TBC1D15: variants seen among roughly 807,000 people sequenced by gnomAD.
TBC1D15 encodes the protein GAP for RAB7.
TBC1D15 carries 39 observed loss-of-function variants against 95.4 expected under a neutral mutation model. The observed-to-expected ratio is 0.41, with a 90% CI of 0.32 to 0.53. TBC1D15 has a LOEUF of 0.53. TBC1D15 is among the 20% of genes least tolerant of loss of function. The probability of loss-of-function intolerance (pLI) is 0.29; values close to 1 mark genes in which losing one functional copy is unlikely to be tolerated. For missense variants in TBC1D15, 733 were observed against 794.3 expected (o/e 0.92, Z 0.93); for synonymous variants, 258 against 261.3 (o/e 0.99, Z 0.12).
intron 16 of TBC1D15, among the ~76,000 whole-genome samples, chr12:71,922,451 T>TA (rs1470844064): frequency 6.6e-6 from 1 of 151,998 alleles, no homozygotes; most frequent in Non-Finnish European, 1.5e-5. Flanking sequence ...GCAGGTTTGT[T>TA]ACATAGGTAT....
intron 9 of TBC1D15, chr12:71,897,084 C>T (rs774870368): frequency 4.8e-6 from 1 of 207,506 alleles, no homozygotes; most frequent in Non-Finnish European, 9.5e-6. Flanking sequence ...CACTTAAAAA[C>T]ATCTCTCATT....
intron 10 of TBC1D15, among the ~76,000 whole-genome samples, chr12:71,904,743 T>G (rs1384076710): frequency 1.3e-5 from 2 of 152,200 alleles, no homozygotes; most frequent in Non-Finnish European, 2.9e-5. Flanking sequence ...GTGAAAGTTC[T>G]CTCATAGTTT....
chr12:71,911,635 A>T, intron 11 of TBC1D15, among the ~76,000 whole-genome samples: 1 of 73,862 alleles, frequency 1.4e-5, no homozygotes. Flanking sequence ...GGGTGGGGGG[A>T]GGGGGGAGGG....
chr12:71,855,802 A>G (rs929734865), intron 1 of TBC1D15, among the ~76,000 whole-genome samples: 2 of 151,504 alleles, frequency 1.3e-5, no homozygotes, highest in Non-Finnish European at 2.9e-5. Flanking sequence ...CTTTATTAGT[A>G]GTAGTATTAA....
intron 4 of TBC1D15, 75 bp from the exon 5 acceptor site, chr12:71,884,735 GC>G: frequency 7.4e-7 from 1 of 1,357,642 alleles, no homozygotes; most frequent in Non-Finnish European, 1.0e-6. Flanking sequence ...TTTATGTTAG[GC>G]AGTCATGGAG....
intron 10 of TBC1D15, among the ~76,000 whole-genome samples, chr12:71,902,499 A>G (rs1899626154): frequency 1.3e-5 from 2 of 152,220 alleles, no homozygotes; most frequent in African/African-American, 2.4e-5. Flanking sequence ...TATTCAATAA[A>G]TGTTCCTGGG....
intron 1 of TBC1D15, among the ~76,000 whole-genome samples, chr12:71,855,415 A>T (rs1189405154): frequency 6.6e-6 from 1 of 152,118 alleles, no homozygotes; most frequent in Admixed American, 6.6e-5. Context: ...TCATAAGGCA[A>T]ACTTGTAATC....
chr12:71,853,534 G>A (rs1592698643), intron 1 of TBC1D15, among the ~76,000 whole-genome samples: 1 of 152,276 alleles, frequency 6.6e-6, no homozygotes, highest in East Asian at 1.9e-4. Flanking sequence ...ACTACTATTT[G>A]TGTTGTTTTG....
intron 1 of TBC1D15, among the ~76,000 whole-genome samples, chr12:71,858,039 T>C (rs1221004244): frequency 6.6e-6 from 1 of 152,196 alleles, no homozygotes; most frequent in Admixed American, 6.5e-5. Context: ...TATGGCTTAA[T>C]AGTATACCAT....
intron 1 of TBC1D15, among the ~76,000 whole-genome samples, chr12:71,847,826 C>T (rs1273430773): frequency 1.3e-5 from 2 of 151,418 alleles, no homozygotes; most frequent in Non-Finnish European, 2.9e-5. Flanking sequence ...GGCCAGGTGC[C>T]GTGGCTCACA....
At chr12:71,857,852 A>G (rs1253361211) in intron 1 of TBC1D15, among the ~76,000 whole-genome samples, 1 of 151,958 alleles carries the variant, frequency 6.6e-6, no homozygotes, top group East Asian at 1.9e-4. Flanking sequence ...CCTTTCCACA[A>G]CCCTTCTCTG....
At chr12:71,895,582 C>G (rs114004478) in intron 7 of TBC1D15, among the ~76,000 whole-genome samples, 2 of 152,136 alleles carry the variant, frequency 1.3e-5, no homozygotes, top group South Asian at 4.2e-4. Context: ...TATATATTCT[C>G]TCTTTTTAAA....
chr12:71,872,069 G>A lies in TBC1D15; in HGVS notation c.31-1G>A. 6.9e-7 allele frequency: 1 copy of A among 1,447,724 alleles called. No individual in the cohort carries two copies. Among genetic ancestry groups the A allele is most frequent in the Non-Finnish European group, 9.2e-7 (1 of 1,081,998 alleles). The allele number at this position is 1,447,724 out of a possible 1,614,324, so 89.7% of individuals were successfully genotyped here. On this transcript the variant is annotated splice_acceptor_variant, in intron 1 of 16. Coordinates refer to ENST00000485960, the MANE Select transcript of TBC1D15 (RefSeq NM_001146213.3). LOFTEE classifies it high-confidence loss of function. ...GACTAACTTTATTTTTGCTGTTTTA[G>A]ATTATATATGAACAAGAAGGAGTAT... is the stretch of plus-strand genomic sequence containing the variant.
At chr12:71,863,855 T>C (rs545497733) in intron 1 of TBC1D15, among the ~76,000 whole-genome samples, 245 of 152,244 alleles carry the variant, frequency 1.6e-3, no homozygotes, top group Non-Finnish European at 2.9e-3. Flanking sequence ...AGCTGCAGAA[T>C]TTCTGCTTGG....
chr12:71,840,925 G>A (rs888742236), intron 1 of TBC1D15, among the ~76,000 whole-genome samples: 7 of 152,134 alleles, frequency 4.6e-5, no homozygotes, highest in African/African-American at 1.7e-4. Context: ...GAATGGAGGA[G>A]ATGCCAATCA....
chr12:71,907,118 G>A lies in TBC1D15; in HGVS notation c.1280G>A (p.Cys427Tyr), dbSNP rs369248372. ...ILLHDILMTY[C>Y]MYDFDLGYVQ... ...CTTCATGACATTTTGATGACCTACT[G>A]TATGTATGATTTTGATTTAGGTAAG... is the stretch of plus-strand genomic sequence containing the variant. The change falls in exon 11 of 17, where the codon TGT becomes TAT. Residue 427 changes from cysteine (C) to tyrosine (Y), a missense_variant. Coordinates refer to ENST00000485960, the MANE Select transcript of TBC1D15 (RefSeq NM_001146213.3). The A allele has an allele frequency of 2.5e-6, 4 of 1,599,962 alleles. No individual in the cohort carries two copies. Among genetic ancestry groups the A allele is most frequent in the Admixed American group, 1.7e-5 (1 of 58,406 alleles).
chr12:71,843,349 A>G (rs1885541846), intron 1 of TBC1D15, among the ~76,000 whole-genome samples: 1 of 152,068 alleles, frequency 6.6e-6, no homozygotes, highest in African/African-American at 2.4e-5. Flanking sequence ...TGTCATTTTT[A>G]GTAACAATTT....
chr12:71,868,341 G>C (rs1240159111), intron 1 of TBC1D15, among the ~76,000 whole-genome samples: 1 of 151,600 alleles, frequency 6.6e-6, no homozygotes, highest in Admixed American at 6.6e-5. Context: ...TGCATCCTGG[G>C]TTCACTCCAT....
At chr12:71,852,074 A>C (rs1390756237) in intron 1 of TBC1D15, among the ~76,000 whole-genome samples, 2 of 152,150 alleles carry the variant, frequency 1.3e-5, no homozygotes, top group Non-Finnish European at 2.9e-5. Context: ...CATCCTCTGA[A>C]TTCTAGGCAG....
Sources: allele counts gnomAD v4.1 joint callset (sites outside exome capture counted in the v4.1 genomes callset), GRCh38; gene constraint gnomAD v4.1.1; transcripts MANE v1.5; gene names NCBI Gene and HGNC (gene_info 2026-07-23, HGNC 2026-07-21).